The following MALRD1 variants were observed in gnomAD, a reference collection of about 807,000 sequenced individuals.
MALRD1 encodes MAM and LDL-receptor class A domain-containing protein 1.
Under a neutral mutation model 242.1 loss-of-function variants are expected in MALRD1, and 247 were observed. The observed-to-expected ratio is 1.02, with a 90% CI of 0.92 to 1.13. The LOEUF (loss-of-function observed/expected upper bound fraction) is 1.13, where lower values mean the gene tolerates loss of function less well. MALRD1 is among the 50% of genes most tolerant of loss of function. The probability of loss-of-function intolerance (pLI) is 0.00; values close to 1 mark genes in which losing one functional copy is unlikely to be tolerated. For synonymous variants in MALRD1, 995 were observed against 866.6 expected (o/e 1.15, Z -2.60); for missense variants, 2,989 against 2,533.1 (o/e 1.18, Z -3.86).
rs1358914632 is a variant in MALRD1, at chr10:19,708,852, G to A, written c.6314+16298G>A. Among the ~76,000 whole-genome samples, 11 of 118,854 alleles carry A rather than the reference G, an allele frequency of 9.3e-5. 5 individuals carry two copies. The highest frequency in any genetic ancestry group is 1.7e-4 in the Non-Finnish European group (9 of 52,064). 78.0% of individuals were successfully genotyped at this position (118,854 alleles called of 152,430 possible). On this transcript the variant is annotated intron_variant, in intron 38 of 39. Transcript: ENST00000454679. ...AATTTTTGTGTTTTTAGTAGAGATG[G>A]GGTTTAACCATGTTGGCCAAGATGG...
At chr10:19,448,970 C>T (rs909771284) in intron 28 of MALRD1, among the ~76,000 whole-genome samples, 3 of 152,100 alleles carry the variant, frequency 2.0e-5, no homozygotes, top group East Asian at 1.9e-4. Flanking sequence ...CTCTTTTCCT[C>T]TGTCAGTGAT....
At chr10:19,687,955 TATGTTATGTTATGTTA>T (rs1345636549) in intron 36 of MALRD1, among the ~76,000 whole-genome samples, 50 of 151,334 alleles carry the variant, frequency 3.3e-4, no homozygotes, top group Admixed American at 2.4e-3. Flanking sequence ...TATGTTATGT[TATGTTATGTTATGTTA>T]TGTTATGTTA....
chr10:19,116,730 C>T (rs552200659), intron 5 of MALRD1, among the ~76,000 whole-genome samples: 6 of 152,246 alleles, frequency 3.9e-5, no homozygotes, highest in African/African-American at 1.4e-4. Flanking sequence ...TCATGTATCA[C>T]TGATGGAGGA....
Position 19,188,952 on chromosome 10 carries a change from A to G in MALRD1, c.1951+13624A>G, listed in dbSNP as rs1416604368. On this transcript the variant is annotated intron_variant, in intron 14 of 39. Coordinates refer to ENST00000454679, the MANE Select transcript of MALRD1 (RefSeq NM_001142308.3). ...GAAATGAATAAATAATATAAAGATA[A>G]TAAAGCAAATCAAAGAAATCAAACA... 2.6e-5 allele frequency among the ~76,000 whole-genome samples: 4 copies of G among 152,196 alleles called. No homozygotes were observed. The East Asian group carries it at 7.7e-4, about 29-fold the overall frequency.
At chr10:19,049,217 G>T in intron 1 of MALRD1, 80 bp downstream of exon 1, 1 of 1,137,716 alleles carries the variant, frequency 8.8e-7, no homozygotes, top group South Asian at 4.5e-5. Flanking sequence ...TGGGAGATTT[G>T]GCTAGATACT....
At chr10:19,547,742 C>T (rs1167127953) in intron 32 of MALRD1, among the ~76,000 whole-genome samples, 4 of 122,948 alleles carry the variant, frequency 3.3e-5, no homozygotes, top group Non-Finnish European at 6.5e-5. Flanking sequence ...AGCTACAGCA[C>T]ACTTCATTTT....
chr10:19,225,021 G>A (rs577684108), intron 18 of MALRD1, among the ~76,000 whole-genome samples: 1 of 152,276 alleles, frequency 6.6e-6, no homozygotes, highest in South Asian at 2.1e-4. Flanking sequence ...TTTATAAGGT[G>A]TAAGGAAGGG....
rs114488242 is a variant in MALRD1 at position 19,419,715 on chromosome 10, A to G, written c.4845+30106A>G. Among the ~76,000 whole-genome samples the G allele has an allele frequency of 5.8e-3, 876 of 152,240 alleles. 8 individuals are homozygous for G. The highest frequency in any genetic ancestry group is 0.02 in the African/African-American group (827 of 41,530). ...AACATTCCAGCCCAAAACAGTGATC[A>G]CTGCAATATATTCATACTTTAATTG... is the stretch of plus-strand genomic sequence containing the variant. On this transcript the variant is annotated intron_variant, in intron 28 of 39. Coordinates refer to ENST00000454679, the MANE Select transcript of MALRD1 (RefSeq NM_001142308.3).
At position 19,604,429 on chromosome 10, in the gene MALRD1, T is replaced by A. The variant is rs73595856; in HGVS notation, c.5945-3348T>A. Among the ~76,000 whole-genome samples, 431 of 152,296 alleles carry A rather than the reference T, an allele frequency of 2.8e-3. 4 individuals are homozygous for A. The highest frequency in any genetic ancestry group is 0.01 in the African/African-American group (417 of 41,580). ...CTAATCTATGGCAAAGTTCTAACTA[T>A]CTTTAATTCTGTGAAGTCTGAGAGA... On this transcript the variant is annotated intron_variant, in intron 34 of 39. Coordinates refer to ENST00000454679, the MANE Select transcript of MALRD1 (RefSeq NM_001142308.3).
At chr10:19,635,211 A>G (rs1840074634) in intron 36 of MALRD1, among the ~76,000 whole-genome samples, 2 of 152,174 alleles carry the variant, frequency 1.3e-5, no homozygotes, top group Non-Finnish European at 1.5e-5. Flanking sequence ...GAAAACTTCA[A>G]TTCAAGAGAA....
intron 28 of MALRD1, among the ~76,000 whole-genome samples, chr10:19,393,942 C>T (rs995577992): frequency 2.0e-5 from 3 of 152,128 alleles, no homozygotes; most frequent in African/African-American, 7.2e-5. Flanking sequence ...TGCAGGAACA[C>T]CTGCTACCTG....
chr10:19,256,517 G>T (rs1839520116), intron 18 of MALRD1, among the ~76,000 whole-genome samples: 1 of 151,996 alleles, frequency 6.6e-6, no homozygotes, highest in South Asian at 2.1e-4. Context: ...AAAACAGCGG[G>T]ACACTTCCTG....
chr10:19,600,246 A>G (rs1227645108), intron 34 of MALRD1, among the ~76,000 whole-genome samples: 1 of 152,138 alleles, frequency 6.6e-6, no homozygotes, highest in Non-Finnish European at 1.5e-5. Flanking sequence ...CAACAGTGTA[A>G]AGATTATTCC....
chr10:19,619,071 A>T (rs528465079), intron 36 of MALRD1, among the ~76,000 whole-genome samples: 115 of 152,128 alleles, frequency 7.6e-4, no homozygotes, highest in African/African-American at 2.7e-3. Flanking sequence ...TCTCATTCAG[A>T]TTTTATTTGG....
At chr10:19,430,380 G>A (rs961927748) in intron 28 of MALRD1, among the ~76,000 whole-genome samples, 3 of 151,776 alleles carry the variant, frequency 2.0e-5, no homozygotes, top group African/African-American at 7.3e-5. Flanking sequence ...CTCCCAAAGC[G>A]CTGGGATTAC....
At chr10:19,252,436 T>G (rs970999236) in intron 18 of MALRD1, among the ~76,000 whole-genome samples, 1 of 152,034 alleles carries the variant, frequency 6.6e-6, no homozygotes, top group Admixed American at 6.6e-5. Context: ...CTCATTTTTC[T>G]TTTTTTAATC....
chr10:19,553,626 C>T (rs575462721), intron 32 of MALRD1, among the ~76,000 whole-genome samples: 1 of 152,160 alleles, frequency 6.6e-6, no homozygotes, highest in South Asian at 2.1e-4. Flanking sequence ...TTCCATTGAT[C>T]AAATAAATTT....
chr10:19,646,567 T>C (rs1018734483), intron 36 of MALRD1, among the ~76,000 whole-genome samples: 2 of 151,588 alleles, frequency 1.3e-5, no homozygotes, highest in Non-Finnish European at 2.9e-5. Context: ...ATCGCACCAC[T>C]GCACTCCAGT....
At chr10:19,390,896 AT>A (rs1449406672) in intron 28 of MALRD1, among the ~76,000 whole-genome samples, 1 of 152,218 alleles carries the variant, frequency 6.6e-6, no homozygotes, top group Non-Finnish European at 1.5e-5. Flanking sequence ...TCATTCTTAT[AT>A]TTAAAGATGG....
Sources: allele counts gnomAD v4.1 joint callset (sites outside exome capture counted in the v4.1 genomes callset), GRCh38; gene constraint gnomAD v4.1.1; transcripts MANE v1.5; gene names NCBI Gene and HGNC (gene_info 2026-07-23, HGNC 2026-07-21).